The following SPOCK1 variants were observed in gnomAD, a reference collection of about 807,000 sequenced individuals.
The protein encoded by SPOCK1 is testican-1.
A neutral mutation model predicts 55.3 loss-of-function variants in SPOCK1; 23 were observed. That is an observed-to-expected ratio of 0.42 (90% CI 0.30 to 0.59). SPOCK1 has a LOEUF of 0.59. Among genes scored for constraint, SPOCK1 ranks in the 20% least tolerant of loss-of-function variants. The probability of loss-of-function intolerance (pLI) is 0.22; values close to 1 mark genes in which losing one functional copy is unlikely to be tolerated. For synonymous variants in SPOCK1, 226 were observed against 221.0 expected (o/e 1.02, Z -0.20); for missense variants, 499 against 552.5 (o/e 0.90, Z 0.97).
At chr5:137,240,780 CATG>C (rs910577903) in intron 3 of SPOCK1, among the ~76,000 whole-genome samples, 44 of 152,050 alleles carry the variant, frequency 2.9e-4, no homozygotes, top group African/African-American at 1.1e-3. Context: ...AGAGAAAAGT[CATG>C]AGGAAGGACA....
intron 2 of SPOCK1, among the ~76,000 whole-genome samples, chr5:137,283,935 A>C (rs1336166193): frequency 6.6e-6 from 1 of 152,204 alleles, no homozygotes; most frequent in African/African-American, 2.4e-5. Context: ...TTCTAAGCAG[A>C]AACCAAGAAA....
rs1750640103 is a variant in SPOCK1 at position 136,977,406 on chromosome 5, C to T, written c.*1248G>A. ...TATTACGATGTTCTTTGTAGGCCTCCATTTGGGATTGAGTGGTTAAAAAAA... is the reference window on the plus strand; with the variant it reads ...TATTACGATGTTCTTTGTAGGCCTCTATTTGGGATTGAGTGGTTAAAAAAA... On this transcript the variant is annotated 3_prime_UTR_variant, in exon 11 of 11. Transcript: ENST00000394945. 1 of 159,210 alleles carries T rather than the reference C, an allele frequency of 6.3e-6. No homozygotes were observed. Among genetic ancestry groups the T allele is most frequent in the African/African-American group, 2.4e-5 (1 of 41,604 alleles). 9.9% of individuals were successfully genotyped at this position (159,210 alleles called of 1,614,324 possible). A position where few individuals can be genotyped will look rare whatever the true frequency, so the allele number is the denominator to read the frequency against.
At chr5:137,460,655 T>A (rs1753468343) in intron 2 of SPOCK1, among the ~76,000 whole-genome samples, 1 of 152,082 alleles carries the variant, frequency 6.6e-6, no homozygotes, top group African/African-American at 2.4e-5. Context: ...TCACTCTGAG[T>A]TTCTACTTGT....
chr5:137,254,751 T>C (rs1022570880), intron 3 of SPOCK1, among the ~76,000 whole-genome samples: 2 of 152,174 alleles, frequency 1.3e-5, no homozygotes, highest in African/African-American at 4.8e-5. Context: ...TAATCTACAG[T>C]GTTAGCATGG....
At chr5:137,428,546 C>G (rs1308573835) in intron 2 of SPOCK1, among the ~76,000 whole-genome samples, 2 of 152,210 alleles carry the variant, frequency 1.3e-5, no homozygotes, top group African/African-American at 4.8e-5. Context: ...CATTCTGCAT[C>G]TTTCCCTGGA....
chr5:137,250,547 G>A (rs1756490102), intron 3 of SPOCK1, among the ~76,000 whole-genome samples: 2 of 152,190 alleles, frequency 1.3e-5, no homozygotes, highest in Non-Finnish European at 2.9e-5. Flanking sequence ...AAGCCCCACT[G>A]CACAGCCTCC....
chr5:136,990,232 C>T (rs1750921612), intron 7 of SPOCK1, among the ~76,000 whole-genome samples: 1 of 152,082 alleles, frequency 6.6e-6, no homozygotes, highest in African/African-American at 2.4e-5. Context: ...TTTAAAGCAG[C>T]ATCTTTGCAG....
intron 5 of SPOCK1, among the ~76,000 whole-genome samples, chr5:137,077,251 C>T (rs937435448): frequency 6.6e-6 from 1 of 152,220 alleles, no homozygotes; most frequent in African/African-American, 2.4e-5. Context: ...TAATTCAACC[C>T]CTTCACTTCT....
chr5:137,237,672 A>G lies in SPOCK1; in HGVS notation c.232+29338T>C, dbSNP rs545374260. Among the ~76,000 whole-genome samples, 18 of 152,360 alleles carry G rather than the reference A, an allele frequency of 1.2e-4. No individual in the cohort carries two copies. In the East Asian group the frequency reaches 3.3e-3, roughly 28 times the overall value. On this transcript the variant is annotated intron_variant, in intron 3 of 10. Coordinates refer to ENST00000394945, the MANE Select transcript of SPOCK1 (RefSeq NM_004598.4). ...CCTTATTCAAAGAGTCAACGTGTTA[A>G]TAACTCCTACAATTCAGACAGCAGA...
At chr5:137,302,578 A>AT (rs1757619969) in intron 2 of SPOCK1, among the ~76,000 whole-genome samples, 3 of 124,116 alleles carry the variant, frequency 2.4e-5, no homozygotes, top group South Asian at 5.3e-4. Flanking sequence ...CTCCATCTCA[A>AT]AAAATAAATA....
At position 137,243,323 on chromosome 5, in the gene SPOCK1, G is replaced by A. The variant is rs554902094; in HGVS notation, c.232+23687C>T. 5.3e-5 allele frequency among the ~76,000 whole-genome samples: 8 copies of A among 152,188 alleles called. No homozygotes were observed. In the South Asian group the frequency reaches 1.0e-3, roughly 20 times the overall value. ...AAATTACAATGAAACTCACCCAAAC[G>A]TTTCAAAGGCAGGCTAGTATTTTAT... is the stretch of plus-strand genomic sequence containing the variant. On this transcript the variant is annotated intron_variant, in intron 3 of 10. Transcript: ENST00000394945.
rs202152400 is a variant in SPOCK1 at position 137,295,427 on chromosome 5, G to A, written c.187-28372C>T. Among the ~76,000 whole-genome samples, 10 of 152,338 alleles carry A rather than the reference G, an allele frequency of 6.6e-5. 1 individual carries two copies. The East Asian group carries it at 1.9e-3, about 29-fold the overall frequency. Reference sequence around the variant, plus strand: ...AGAGCTAATATTCCCTGGAAACAGAGATGAGCATGTCTATGTTTCATCAAA... The same window carrying A: ...AGAGCTAATATTCCCTGGAAACAGAAATGAGCATGTCTATGTTTCATCAAA... On this transcript the variant is annotated intron_variant, in intron 2 of 10. Coordinates refer to ENST00000394945, the MANE Select transcript of SPOCK1 (RefSeq NM_004598.4).
intron 6 of SPOCK1, among the ~76,000 whole-genome samples, chr5:137,044,697 G>A (rs1752075600): frequency 1.3e-5 from 2 of 151,508 alleles, no homozygotes; most frequent in Admixed American, 6.6e-5. Context: ...CATTGTGCAG[G>A]TTAGTTACAT....
intron 2 of SPOCK1, among the ~76,000 whole-genome samples, chr5:137,293,349 T>A (rs1474772101): frequency 6.6e-6 from 1 of 152,188 alleles, no homozygotes; most frequent in Non-Finnish European, 1.5e-5. Context: ...CAAAGCAATA[T>A]GCAATTAGTA....
chr5:137,456,106 A>T (rs1753361482), intron 2 of SPOCK1, among the ~76,000 whole-genome samples: 1 of 152,104 alleles, frequency 6.6e-6, no homozygotes, highest in Non-Finnish European at 1.5e-5. Context: ...AAGAATTCAG[A>T]GACTAATTTC....
In SPOCK1 at chr5:137,039,912, C is replaced by T. The variant is rs1237413460; in HGVS notation, c.589+27803G>A. On this transcript the variant is annotated intron_variant, in intron 6 of 10. Coordinates refer to ENST00000394945, the MANE Select transcript of SPOCK1 (RefSeq NM_004598.4). ...TAGCTTTCCTAAGGTTAGGTTATGA[C>T]CAAATATCCCTGCAGGCAACCCATT... Among the ~76,000 whole-genome samples the T allele has an allele frequency of 2.0e-5, 3 of 152,320 alleles. No individual in the cohort carries two copies. The East Asian group carries it at 5.8e-4, about 29-fold the overall frequency.
intron 2 of SPOCK1, among the ~76,000 whole-genome samples, chr5:137,438,972 A>G (rs890899054): frequency 6.6e-6 from 1 of 152,234 alleles, no homozygotes; most frequent in African/African-American, 2.4e-5. Flanking sequence ...GGTGCAATGC[A>G]TCAGTAAAGC....
At chr5:137,262,528 T>G (rs1253470728) in intron 3 of SPOCK1, among the ~76,000 whole-genome samples, 1 of 152,256 alleles carries the variant, frequency 6.6e-6, no homozygotes, top group African/African-American at 2.4e-5. Flanking sequence ...CTCTGAGGAC[T>G]GATAACTGGG....
chr5:137,372,891 A>G (rs1324895271), intron 2 of SPOCK1, among the ~76,000 whole-genome samples: 1 of 152,256 alleles, frequency 6.6e-6, no homozygotes, highest in Non-Finnish European at 1.5e-5. Context: ...TGTAGAAATG[A>G]TAGCAGAGAG....
Sources: gnomAD v4.1 joint callset for allele counts (sites outside exome capture counted in the v4.1 genomes callset) on GRCh38, gnomAD v4.1.1 for gene constraint, MANE v1.5 for transcripts, NCBI Gene and HGNC (gene_info 2026-07-23, HGNC 2026-07-21) for gene names.